The following RALGDS variants were observed in gnomAD, a reference collection of about 807,000 sequenced individuals.
RALGDS encodes ral guanine nucleotide exchange factor.
In RALGDS, 44 loss-of-function variants were observed where a neutral mutation model predicts 99.8. The observed-to-expected ratio is 0.44, with a 90% confidence interval of 0.35 to 0.57. The LOEUF (loss-of-function observed/expected upper bound fraction) is 0.57. Ranked by LOEUF, RALGDS falls within the 20% of genes least tolerant of loss-of-function variation. The pLI is 0.01. For synonymous variants in RALGDS, 529 were observed against 505.0 expected (o/e 1.05, Z -0.64); for missense variants, 1,022 against 1,203.1 (o/e 0.85, Z 2.23).
intron 17 of RALGDS, chr9:133,099,523 T>C (rs1258810178): frequency 1.3e-5 from 2 of 153,060 alleles, no homozygotes; most frequent in Non-Finnish European, 2.9e-5. Flanking sequence ...ACAGCGATGA[T>C]AGTATTTATA....
rs540440093 is a variant in RALGDS, at chr9:133,139,429, A to C, written c.18+9534T>G. Reference sequence around the variant, plus strand: ...GGGGGACCAGGCAGGCGGTGCCGCCAGCTGAGACCTTCCACACTGGGCACT... The same window carrying C: ...GGGGGACCAGGCAGGCGGTGCCGCCCGCTGAGACCTTCCACACTGGGCACT... On this transcript the variant is annotated intron_variant, in intron 1 of 17. Coordinates refer to the RALGDS transcript ENST00000393160. 2.6e-5 allele frequency among the ~76,000 whole-genome samples: 4 copies of C among 152,242 alleles called. No homozygotes were observed. The East Asian group carries it at 5.8e-4, about 22-fold the overall frequency.
At chr9:133,102,984 C>T (rs1399415628) in intron 12 of RALGDS, 84 bp from the exon 13 acceptor site, 1 of 1,569,644 alleles carries the variant, frequency 6.4e-7, no homozygotes, top group African/African-American at 1.3e-5. Context: ...TTCTTGGGGT[C>T]CCTTCCTCCC....
intron 1 of RALGDS, among the ~76,000 whole-genome samples, chr9:133,127,698 C>T (rs532126652): frequency 9.6e-4 from 147 of 152,356 alleles, no homozygotes; most frequent in African/African-American, 3.4e-3. Context: ...GGGTTCCTGG[C>T]AACCTCTGGT....
chr9:133,148,763 C>A (rs909176117), intron 1 of RALGDS, among the ~76,000 whole-genome samples: 8 of 152,250 alleles, frequency 5.3e-5, no homozygotes, highest in Non-Finnish European at 1.5e-5. Context: ...ACTCCGCCAA[C>A]TTCGTGTGCC....
chr9:133,103,381 T>C (rs914763697), intron 11 of RALGDS, 119 bp from the exon 12 acceptor site: 21 of 1,263,974 alleles, frequency 1.7e-5, no homozygotes, highest in Non-Finnish European at 2.4e-5. Flanking sequence ...CACCCCTGGA[T>C]TGAAGCCGGT....
chr9:133,143,706 T>A (rs1187982303), intron 1 of RALGDS, among the ~76,000 whole-genome samples: 7 of 148,268 alleles, frequency 4.7e-5, no homozygotes, highest in African/African-American at 1.8e-4. Context: ...GCCCCTGCAC[T>A]GCAGCCTGGG....
chr9:133,137,886 G>A (rs748399016), intron 1 of RALGDS, among the ~76,000 whole-genome samples: 26 of 152,254 alleles, frequency 1.7e-4, no homozygotes, highest in Non-Finnish European at 2.9e-4. Context: ...AGGCACAGCC[G>A]TGGCTGGTGA....
At chr9:133,103,539 CTG>C in intron 11 of RALGDS, 6 of 695,104 alleles carry the variant, frequency 8.6e-6, no homozygotes, top group South Asian at 8.2e-5. Flanking sequence ...TGGCTTCCCT[CTG>C]TGCTCAGGGT....
chr9:133,134,442 A>T (rs1317500435), upstream of RALGDS, among the ~76,000 whole-genome samples: 1 of 152,242 alleles, frequency 6.6e-6, no homozygotes, highest in Non-Finnish European at 1.5e-5. Context: ...TCTGCCAGAA[A>T]GATGAGGCCA....
Position 133,144,060 on chromosome 9 carries a change from CTGGGGT to C in RALGDS, c.18+4897_18+4902del, listed in dbSNP as rs1832583600. Among the ~76,000 whole-genome samples, 1 of 152,086 alleles carries C rather than the reference CTGGGGT, an allele frequency of 6.6e-6. No homozygotes were observed. The highest frequency in any genetic ancestry group is 2.1e-4 in the South Asian group (1 of 4,828). On this transcript the variant is annotated intron_variant, in intron 1 of 17. Transcript: ENST00000393160. The surrounding 1 kb of genome is among the most constrained non-coding windows in gnomAD (Gnocchi z 4.5). Reference sequence around the variant, plus strand: ...AGCTCCCCTGAGGCAGGGTCTGGGGCTGGGGTTGGGGGGAAGGACCCCTCAAGTCTC... The same window carrying C: ...AGCTCCCCTGAGGCAGGGTCTGGGGCTGGGGGGAAGGACCCCTCAAGTCTC...
intron 9 of RALGDS, among the ~76,000 whole-genome samples, chr9:133,105,624 A>G (rs937011568): frequency 6.6e-6 from 1 of 151,964 alleles, no homozygotes; most frequent in Non-Finnish European, 1.5e-5. Flanking sequence ...AGCAGGAGGG[A>G]CCGGCGAGGA....
In RALGDS at chr9:133,098,468, T is replaced by G; in HGVS notation, c.*119A>C. On this transcript the variant is annotated 3_prime_UTR_variant, in exon 18 of 18. Coordinates refer to ENST00000372050, the MANE Select transcript of RALGDS (RefSeq NM_006266.4). ...TCCCAGCAGCGGGAGAGGTTCAGGA[T>G]GAAACTGGAGTCTGGGGTACCCTGG... The G allele has an allele frequency of 9.2e-7, 1 of 1,081,346 alleles. No individual in the cohort carries two copies. Among genetic ancestry groups the G allele is most frequent in the Non-Finnish European group, 1.4e-6 (1 of 728,116 alleles). 67.0% of individuals were successfully genotyped at this position (1,081,346 alleles called of 1,614,324 possible).
At chr9:133,139,226 G>A (rs987122146) in intron 1 of RALGDS, among the ~76,000 whole-genome samples, 6 of 152,296 alleles carry the variant, frequency 3.9e-5, no homozygotes, top group African/African-American at 1.2e-4. Context: ...GCCCCTGCAG[G>A]CCCAGAGGCC....
Position 133,146,646 on chromosome 9 carries a change from C to T in RALGDS, c.18+2317G>A, listed in dbSNP as rs566223400. Reference sequence around the variant, plus strand: ...ATTGGATTTAGTGACTGGCTTCTCACCAACAGAACACAGCACAGGTGATGT... The same window carrying T: ...ATTGGATTTAGTGACTGGCTTCTCATCAACAGAACACAGCACAGGTGATGT... On this transcript the variant is annotated intron_variant, in intron 1 of 17. Coordinates refer to the RALGDS transcript ENST00000393160. Among the ~76,000 whole-genome samples the T allele has an allele frequency of 9.8e-5, 15 of 152,328 alleles. No homozygotes were observed. In the South Asian group the frequency reaches 2.1e-3, roughly 21 times the overall value.
intron 15 of RALGDS, 58 bp downstream of exon 15, chr9:133,101,880 G>A (rs1301497520): frequency 6.4e-7 from 1 of 1,551,076 alleles, no homozygotes; most frequent in Non-Finnish European, 8.7e-7. Flanking sequence ...CTGGCCCCAT[G>A]CATGGATTTG....
intron 9 of RALGDS, among the ~76,000 whole-genome samples, chr9:133,105,222 A>G (rs897365591): frequency 2.6e-5 from 4 of 152,180 alleles, no homozygotes; most frequent in African/African-American, 7.2e-5. Context: ...GGGGGGCCCT[A>G]GATGCCATTT....
rs1831922592 is a variant in RALGDS at position 133,121,188 on chromosome 9, G to A, written c.-34C>T. On this transcript the variant is annotated 5_prime_UTR_variant, in exon 1 of 18. Coordinates refer to ENST00000372050, the MANE Select transcript of RALGDS (RefSeq NM_006266.4). Reference sequence around the variant, plus strand: ...CGCAGCGCGGGCGCGGGGCCGGCCCGGCGCGCGGCGGGGGCGGCGGCGCGG... The same window carrying A: ...CGCAGCGCGGGCGCGGGGCCGGCCCAGCGCGCGGCGGGGGCGGCGGCGCGG... 4 of 899,860 alleles carry A rather than the reference G, an allele frequency of 4.4e-6. No individual in the cohort carries two copies. The highest frequency in any genetic ancestry group is 5.3e-6 in the Non-Finnish European group (4 of 751,138). 55.7% of individuals were successfully genotyped at this position (899,860 alleles called of 1,614,324 possible).
chr9:133,108,293 T>G lies in RALGDS; in HGVS notation c.892A>C (p.Thr298Pro). ...TCTAGCTCTGAACCTGGAGCTGGTGTTGGAGCTGGCTCTGGCTCCGGGGCT... is the reference window on the plus strand; with the variant it reads ...TCTAGCTCTGAACCTGGAGCTGGTGGTGGAGCTGGCTCTGGCTCCGGGGCT... ...APAPEPEPAPTPAPGSELEVA... is the reference protein window; with the variant it reads ...APAPEPEPAPPPAPGSELEVA... The change falls in exon 6 of 18, where the codon ACA becomes CCA. Residue 298 changes from threonine to proline, a missense_variant. Thr to Pro is a conservative substitution (Grantham distance 38). Transcript: ENST00000372050. The G allele has an allele frequency of 5.8e-6, 9 of 1,557,562 alleles. No homozygotes were observed. Among genetic ancestry groups the G allele is most frequent in the Non-Finnish European group, 7.8e-6 (9 of 1,151,456 alleles).
At chr9:133,148,791 C>A (rs949641593) in intron 1 of RALGDS, among the ~76,000 whole-genome samples, 1 of 152,200 alleles carries the variant, frequency 6.6e-6, no homozygotes, top group Admixed American at 6.5e-5. Context: ...AGTCCCTGCC[C>A]CTCTCCTGTC....
Sources: allele counts gnomAD v4.1 joint callset (sites outside exome capture counted in the v4.1 genomes callset), GRCh38; gene constraint gnomAD v4.1.1; non-coding constraint Gnocchi (gnomAD v3.1); transcripts MANE v1.5; gene names NCBI Gene and HGNC (gene_info 2026-07-23, HGNC 2026-07-21).